The following HAPSTR1 variants were observed in gnomAD, a reference collection of about 807,000 sequenced individuals.
The protein encoded by HAPSTR1 is HUWE1 associated protein modifying stress responses.
chr16:9,097,140 A>G, the HAPSTR1 span, among the ~76,000 whole-genome samples: 1 of 151,738 alleles, frequency 6.6e-6, no homozygotes, highest in Non-Finnish European at 1.5e-5. Flanking sequence ...GGGTTTCACC[A>G]TGTTGGCCAG....
chr16:9,096,028 C>T, the HAPSTR1 span, among the ~76,000 whole-genome samples: 1 of 152,290 alleles, frequency 6.6e-6, no homozygotes, highest in African/African-American at 2.4e-5. Context: ...TTGATGTTTA[C>T]CCAGTGTCAT....
At chr16:9,115,732 G>A in the HAPSTR1 span, among the ~76,000 whole-genome samples, 5 of 152,234 alleles carry the variant, frequency 3.3e-5, no homozygotes, top group East Asian at 9.7e-4. Context: ...CTCCTCCTTA[G>A]CCTCCCGAGT....
chr16:9,103,655 G>C, the HAPSTR1 span: 5 of 170,348 alleles, frequency 2.9e-5, no homozygotes, highest in Non-Finnish European at 6.3e-5. Flanking sequence ...GGAAATTGTT[G>C]GGTTAGTTCT....
At chr16:9,113,544 C>T in the HAPSTR1 span, among the ~76,000 whole-genome samples, 1 of 152,088 alleles carries the variant, frequency 6.6e-6, no homozygotes, top group Non-Finnish European at 1.5e-5. Flanking sequence ...CATGAGACTC[C>T]TATGTTAACA....
chr16:9,102,531 C>T, the HAPSTR1 span, among the ~76,000 whole-genome samples: 3 of 152,286 alleles, frequency 2.0e-5, no homozygotes, highest in East Asian at 3.9e-4. Flanking sequence ...ATTAATTTTT[C>T]CTTCTAAAAC....
At chr16:9,102,385 A>G in the HAPSTR1 span, among the ~76,000 whole-genome samples, 1 of 152,250 alleles carries the variant, frequency 6.6e-6, no homozygotes, top group Non-Finnish European at 1.5e-5. Context: ...AATTTAGTCT[A>G]GGAGATCTGT....
chr16:9,096,352 T>A, the HAPSTR1 span, among the ~76,000 whole-genome samples: 3 of 152,142 alleles, frequency 2.0e-5, no homozygotes, highest in Non-Finnish European at 4.4e-5. Flanking sequence ...TTAAAAATTT[T>A]TTTTGTGTTG....
the HAPSTR1 span, among the ~76,000 whole-genome samples, chr16:9,114,416 G>GT: frequency 6.6e-6 from 1 of 152,116 alleles, no homozygotes; most frequent in South Asian, 2.1e-4. Context: ...AAATGGAGAG[G>GT]TAGGAGAACC....
At chr16:9,097,820 C>T in the HAPSTR1 span, among the ~76,000 whole-genome samples, 1 of 152,234 alleles carries the variant, frequency 6.6e-6, no homozygotes, top group African/African-American at 2.4e-5. Flanking sequence ...CTTCTGTCAT[C>T]TCTTGGCCAT....
the HAPSTR1 span, chr16:9,093,003 TAAAG>T: frequency 6.2e-7 from 1 of 1,608,306 alleles, no homozygotes; most frequent in South Asian, 1.1e-5. Flanking sequence ...TCTACAAAGG[TAAAG>T]ATAACCTTGC....
the HAPSTR1 span, chr16:9,109,154 C>T: frequency 6.6e-6 from 1 of 152,174 alleles, no homozygotes; most frequent in Non-Finnish European, 1.5e-5. Context: ...TTGAGCTTGT[C>T]TCATGTTGAC....
chr16:9,102,819 T>C, the HAPSTR1 span, among the ~76,000 whole-genome samples: 3 of 152,300 alleles, frequency 2.0e-5, no homozygotes, highest in Admixed American at 6.5e-5. Context: ...ATGTTACATA[T>C]AACATTTTCA....
chr16:9,097,262 A>G, the HAPSTR1 span, among the ~76,000 whole-genome samples: 6 of 124,064 alleles, frequency 4.8e-5, no homozygotes, highest in South Asian at 1.3e-3. Flanking sequence ...TTTTCTTTTG[A>G]GACAGGGTCT....
the HAPSTR1 span, among the ~76,000 whole-genome samples, chr16:9,115,592 T>C: frequency 1.3e-5 from 2 of 152,208 alleles, no homozygotes; most frequent in Non-Finnish European, 2.9e-5. Context: ...TAAGTATCCA[T>C]GAGTGCTGGG....
At chr16:9,092,767 T>A in the HAPSTR1 span, among the ~76,000 whole-genome samples, 3 of 152,110 alleles carry the variant, frequency 2.0e-5, no homozygotes, top group Non-Finnish European at 2.9e-5. Context: ...ACACTGGGTT[T>A]GGGATCCCGA....
chr16:9,101,584 C>A, the HAPSTR1 span, among the ~76,000 whole-genome samples: 5 of 152,060 alleles, frequency 3.3e-5, no homozygotes, highest in Admixed American at 3.3e-4. Flanking sequence ...GAGAAAAGAT[C>A]TGTGGACAAT....
the HAPSTR1 span, among the ~76,000 whole-genome samples, chr16:9,116,214 A>C: frequency 6.6e-6 from 1 of 152,202 alleles, no homozygotes; most frequent in South Asian, 2.1e-4. Flanking sequence ...AAGCCCACCT[A>C]GGCCTGGAAG....
At chr16:9,094,164 G>C in the HAPSTR1 span, among the ~76,000 whole-genome samples, 1 of 152,116 alleles carries the variant, frequency 6.6e-6, no homozygotes, top group Non-Finnish European at 1.5e-5. Flanking sequence ...ACAGTAATTT[G>C]AGAACTGGTA....
At chr16:9,097,442 C>G in the HAPSTR1 span, among the ~76,000 whole-genome samples, 1 of 151,988 alleles carries the variant, frequency 6.6e-6, no homozygotes, top group Non-Finnish European at 1.5e-5. Flanking sequence ...GAGGTTTTGC[C>G]ATGTTGCCCA....
Sources: allele counts gnomAD v4.1 joint callset (sites outside exome capture counted in the v4.1 genomes callset), GRCh38; gene constraint gnomAD v4.1.1; transcripts MANE v1.5; gene names NCBI Gene and HGNC (gene_info 2026-07-23, HGNC 2026-07-21).